PRICKLE1: variants seen among roughly 807,000 people sequenced by gnomAD.
PRICKLE1 encodes prickle planar cell polarity protein 1, also known as prickle-like protein 1.
In PRICKLE1, 14 loss-of-function variants were observed where a neutral mutation model predicts 70.2. That is an observed-to-expected ratio of 0.20 (90% confidence interval 0.13 to 0.31). The LOEUF (loss-of-function observed/expected upper bound fraction) is 0.31. PRICKLE1 is among the 10% of genes least tolerant of loss of function. The pLI is 1.00. For missense variants in PRICKLE1, 821 were observed against 1,026.2 expected (o/e 0.80, Z 2.73); for synonymous variants, 357 against 379.9 (o/e 0.94, Z 0.70).
intron 1 of PRICKLE1, among the ~76,000 whole-genome samples, chr12:42,546,467 T>C (rs1940214869): frequency 6.6e-6 from 1 of 152,220 alleles, no homozygotes; most frequent in African/African-American, 2.4e-5. Flanking sequence ...AAGAATTAAA[T>C]ATTATTCTTC....
chr12:42,535,835 C>T (rs866992405), intron 1 of PRICKLE1, among the ~76,000 whole-genome samples: 1 of 152,112 alleles, frequency 6.6e-6, no homozygotes, highest in African/African-American at 2.4e-5. Flanking sequence ...TAGATATAAA[C>T]AGCCAGGAGT....
At chr12:42,519,241 G>C (rs1047943824) in intron 1 of PRICKLE1, among the ~76,000 whole-genome samples, 6 of 119,050 alleles carry the variant, frequency 5.0e-5, no homozygotes, top group Non-Finnish European at 8.0e-5. Flanking sequence ...TTGTCACCCA[G>C]TCTGGAGTGC....
intron 7 of PRICKLE1, among the ~76,000 whole-genome samples, chr12:42,460,915 C>A (rs963565996): frequency 6.6e-6 from 1 of 152,144 alleles, no homozygotes; most frequent in Non-Finnish European, 1.5e-5. Flanking sequence ...GAGTTTTGCT[C>A]TAGTTGCCCG....
intron 1 of PRICKLE1, among the ~76,000 whole-genome samples, chr12:42,478,398 G>GA (rs778870971): frequency 1.3e-5 from 2 of 151,840 alleles, no homozygotes; most frequent in Non-Finnish European, 2.9e-5. Flanking sequence ...TAATGAAGGA[G>GA]AAAGAAAAGC....
chr12:42,506,567 C>CT lies in PRICKLE1; in HGVS notation c.-48-34004dup, dbSNP rs139103281. Among the ~76,000 whole-genome samples the CT allele has an allele frequency of 2.8e-3, 181 of 64,630 alleles. 15 individuals are homozygous for CT. Among genetic ancestry groups the CT allele is most frequent in the African/African-American group, 5.4e-3 (96 of 17,800 alleles). 42.4% of individuals were successfully genotyped at this position (64,630 alleles called of 152,430 possible). On this transcript the variant is annotated intron_variant, in intron 1 of 7. Transcript: ENST00000345127. Reference sequence around the variant, plus strand: ...CCACCGCGCCCAGCTCAATAGTGTTCTTTTTTTTTTTTTTTTTTTTTTTTT... The same window carrying CT: ...CCACCGCGCCCAGCTCAATAGTGTTCTTTTTTTTTTTTTTTTTTTTTTTTTT...
chr12:42,575,744 G>A (rs1365893860), intron 1 of PRICKLE1, among the ~76,000 whole-genome samples: 3 of 151,820 alleles, frequency 2.0e-5, no homozygotes, highest in Non-Finnish European at 2.9e-5. Context: ...TAAGCATAAC[G>A]CTTGTCTAAT....
At chr12:42,546,308 T>TCC (rs1940211576) in intron 1 of PRICKLE1, among the ~76,000 whole-genome samples, 1 of 152,124 alleles carries the variant, frequency 6.6e-6, no homozygotes, top group African/African-American at 2.4e-5. Context: ...ACAGACAAAA[T>TCC]TATGTTATAT....
chr12:42,515,712 G>T (rs1230568817), intron 1 of PRICKLE1, among the ~76,000 whole-genome samples: 1 of 152,124 alleles, frequency 6.6e-6, no homozygotes, highest in African/African-American at 2.4e-5. Flanking sequence ...AACTTTGAGG[G>T]TTCTGCTCTG....
rs375708395 is a variant in PRICKLE1 at position 42,561,315 on chromosome 12, T to C, written c.-49+28150A>G. Among the ~76,000 whole-genome samples, 4 of 152,330 alleles carry C rather than the reference T, an allele frequency of 2.6e-5. 1 individual carries two copies. Among genetic ancestry groups the C allele is most frequent in the African/African-American group, 9.6e-5 (4 of 41,570 alleles). On this transcript the variant is annotated intron_variant, in intron 1 of 7. Coordinates refer to ENST00000345127, the MANE Select transcript of PRICKLE1 (RefSeq NM_153026.3). ...GCAAGTAGACAATGGCATTTTTCAC[T>C]AATAGACCTTTCTAACCACTCCACA...
chr12:42,469,732 T>C (rs1325626120), intron 3 of PRICKLE1, 145 bp from the exon 4 acceptor site: 1 of 967,952 alleles, frequency 1.0e-6, no homozygotes, highest in African/African-American at 1.6e-5. Context: ...AATGACACCA[T>C]ATCTGAATTT....
chr12:42,519,155 C>G (rs894404119), intron 1 of PRICKLE1, among the ~76,000 whole-genome samples: 3 of 150,118 alleles, frequency 2.0e-5, no homozygotes, highest in African/African-American at 7.3e-5. Flanking sequence ...CTGTTCCCTC[C>G]ACAGTGTTGC....
intron 1 of PRICKLE1, among the ~76,000 whole-genome samples, chr12:42,564,279 A>G (rs1322169450): frequency 6.7e-6 from 1 of 149,980 alleles, no homozygotes; most frequent in African/African-American, 2.5e-5. Context: ...AAAAGAAAAG[A>G]AAAAAGAAAA....
chr12:42,546,825 T>C (rs1047955038), intron 1 of PRICKLE1, among the ~76,000 whole-genome samples: 1 of 152,204 alleles, frequency 6.6e-6, no homozygotes, highest in Non-Finnish European at 1.5e-5. Flanking sequence ...TATAAAACTC[T>C]TAAATTTACT....
chr12:42,507,307 T>C (rs1422085295), intron 1 of PRICKLE1, among the ~76,000 whole-genome samples: 1 of 152,118 alleles, frequency 6.6e-6, no homozygotes, highest in Non-Finnish European at 1.5e-5. Flanking sequence ...TTACTGAAAA[T>C]ACTAAGCAGA....
At chr12:42,560,768 TCACACACACACACACA>T (rs71084672) in intron 1 of PRICKLE1, among the ~76,000 whole-genome samples, 21 of 127,772 alleles carry the variant, frequency 1.6e-4, no homozygotes, top group African/African-American at 4.3e-4. Flanking sequence ...GCCCATCTTC[TCACACACACACACACA>T]CACACACACA....
At chr12:42,484,683 C>A (rs1938938929) in intron 1 of PRICKLE1, among the ~76,000 whole-genome samples, 2 of 152,178 alleles carry the variant, frequency 1.3e-5, no homozygotes, top group South Asian at 2.1e-4. Context: ...ATTATTCAAA[C>A]ACAAGGAAGT....
chr12:42,541,670 T>C (rs757094243), intron 1 of PRICKLE1, among the ~76,000 whole-genome samples: 1 of 152,112 alleles, frequency 6.6e-6, no homozygotes. Flanking sequence ...ACAGAACTGT[T>C]TTCCTCATCA....
intron 1 of PRICKLE1, among the ~76,000 whole-genome samples, chr12:42,527,291 C>A (rs187814397): frequency 6.3e-4 from 96 of 151,846 alleles, no homozygotes; most frequent in African/African-American, 2.1e-3. Context: ...CTCCACCATA[C>A]CTGGCTAATT....
At chr12:42,588,327 G>A (rs1156868914) in intron 1 of PRICKLE1, among the ~76,000 whole-genome samples, 1 of 152,168 alleles carries the variant, frequency 6.6e-6, no homozygotes, top group Admixed American at 6.5e-5. Context: ...CCAAAGTACT[G>A]ATTAAGACGA....
Sources: gnomAD v4.1 joint callset for allele counts (sites outside exome capture counted in the v4.1 genomes callset) on GRCh38, gnomAD v4.1.1 for gene constraint, MANE v1.5 for transcripts, NCBI Gene and HGNC (gene_info 2026-07-23, HGNC 2026-07-21) for gene names.